RCBTB1: variants seen among roughly 807,000 people sequenced by gnomAD.
The protein encoded by RCBTB1 is RCC1 and BTB domain-containing protein 1.
A neutral mutation model predicts 62.4 loss-of-function variants in RCBTB1; 46 were observed. The observed-to-expected ratio is 0.74, with a 90% CI of 0.58 to 0.94. The LOEUF (loss-of-function observed/expected upper bound fraction) is 0.94, where lower values mean the gene tolerates loss of function less well. RCBTB1 is among the 40% of genes least tolerant of loss of function. The pLI is 0.00. For missense variants in RCBTB1, 565 were observed against 654.9 expected (o/e 0.86, Z 1.50); for synonymous variants, 222 against 245.8 (o/e 0.90, Z 0.91).
chr13:49,566,064 A>C (rs1390288504), intron 4 of RCBTB1, among the ~76,000 whole-genome samples: 1 of 150,742 alleles, frequency 6.6e-6, no homozygotes, highest in Non-Finnish European at 1.5e-5. Context: ...TGAAGGCAGC[A>C]TGCTCGTTAA....
chr13:49,546,845 G>T (rs538270618), intron 9 of RCBTB1: 3 of 557,812 alleles, frequency 5.4e-6, no homozygotes, highest in Non-Finnish European at 6.8e-6. Flanking sequence ...ACCTCCTGCC[G>T]TGCAACCCAG....
At chr13:49,535,465 A>G (rs1959864783) in intron 12 of RCBTB1, among the ~76,000 whole-genome samples, 1 of 152,194 alleles carries the variant, frequency 6.6e-6, no homozygotes, top group Non-Finnish European at 1.5e-5. Flanking sequence ...GTTAGCTGGT[A>G]CATTGAAGGT....
chr13:49,581,309 A>C (rs951091292), intron 1 of RCBTB1, among the ~76,000 whole-genome samples: 2 of 152,212 alleles, frequency 1.3e-5, no homozygotes, highest in African/African-American at 2.4e-5. Flanking sequence ...AAAATCAAGA[A>C]GATTCTGCAA....
At chr13:49,547,073 A>G in intron 9 of RCBTB1, 1 of 1,271,980 alleles carries the variant, frequency 7.9e-7, no homozygotes, top group African/African-American at 1.5e-5. Context: ...AAATCTGAAG[A>G]TGTGTACAGA....
Position 49,567,337 on chromosome 13 carries a change from G to T in RCBTB1, c.-41-17C>A. On this transcript the variant is annotated splice_polypyrimidine_tract_variant and intron_variant, in intron 2 of 12. Coordinates refer to ENST00000378302, the MANE Select transcript of RCBTB1 (RefSeq NM_018191.4). Reference sequence around the variant, plus strand: ...CCGACATCTCTGCTGGAACAGAAAGGATTCCAGAAAAAAATTAAATAGTCA... The same window carrying T: ...CCGACATCTCTGCTGGAACAGAAAGTATTCCAGAAAAAAATTAAATAGTCA... The T allele has an allele frequency of 6.4e-7, 1 of 1,564,560 alleles. No homozygotes were observed. Among genetic ancestry groups the T allele is most frequent in the Non-Finnish European group, 8.7e-7 (1 of 1,152,120 alleles).
intron 9 of RCBTB1, among the ~76,000 whole-genome samples, chr13:49,545,552 T>TAGAA (rs1960722285): frequency 6.6e-6 from 1 of 152,200 alleles, no homozygotes; most frequent in South Asian, 2.1e-4. Context: ...ATATGTTAAG[T>TAGAA]AGAACTGTGT....
Position 49,549,542 on chromosome 13 carries a change from G to A in RCBTB1, c.961C>T (p.Pro321Ser). 2 of 1,614,122 alleles carry A rather than the reference G, an allele frequency of 1.2e-6. No homozygotes were observed. Among genetic ancestry groups the A allele is most frequent in the South Asian group, 2.2e-5 (2 of 91,080 alleles). Residue 321 changes from proline (P) to serine (S), a missense_variant, in exon 9 of 13, where the codon CCG becomes TCG. Physicochemically the swap from Pro to Ser is moderately conservative, Grantham distance 74. Transcript: ENST00000378302. ...GTGCAGGAGAAGTGGGTGAGGTGCG[G>A]GAGGATCACGGACTGACCCCGGCAC... ...GQCRGQSVIL[P>S]HLTHFSCTDD...
chr13:49,567,371 A>G, intron 2 of RCBTB1, 51 bp from the exon 3 acceptor site: 1 of 1,411,824 alleles, frequency 7.1e-7, no homozygotes, highest in Non-Finnish European at 9.7e-7. Flanking sequence ...CACTGAGCTA[A>G]CTTTCAAAAA....
chr13:49,564,239 T>C (rs1233130866), intron 4 of RCBTB1, among the ~76,000 whole-genome samples: 1 of 152,134 alleles, frequency 6.6e-6, no homozygotes, highest in Non-Finnish European at 1.5e-5. Context: ...GATTTCCCGA[T>C]TCAAGATGCA....
rs1961329745 is a variant in RCBTB1 at position 49,551,432 on chromosome 13, C to G, written c.748G>C (p.Asp250His). The change falls in exon 8 of 13, where the codon GAT (aspartate) becomes CAT (histidine). Residue 250 changes from aspartate (D) to histidine (H), a missense_variant. Asp to His is a moderately conservative substitution (Grantham distance 81). Transcript: ENST00000378302. ...CCCCAGGCATACAGCAAGCCCTCATCTGTTAGTGCTAGAGTATGTGCGTAA... is the reference window on the plus strand; with the variant it reads ...CCCCAGGCATACAGCAAGCCCTCATGTGTTAGTGCTAGAGTATGTGCGTAA... ...CGYAHTLALTDEGLLYAWGAN... is the reference protein window; with the variant it reads ...CGYAHTLALTHEGLLYAWGAN... The G allele has an allele frequency of 6.2e-7, 1 of 1,614,226 alleles. No individual in the cohort carries two copies. The highest frequency in any genetic ancestry group is 8.5e-7 in the Non-Finnish European group (1 of 1,180,032).
intron 2 of RCBTB1, among the ~76,000 whole-genome samples, chr13:49,568,416 G>A (rs1252142703): frequency 3.3e-5 from 5 of 152,146 alleles, no homozygotes; most frequent in Non-Finnish European, 4.4e-5. Context: ...TCCTAAAAAT[G>A]AAAATTGCTA....
intron 9 of RCBTB1, among the ~76,000 whole-genome samples, chr13:49,545,456 A>C (rs923673580): frequency 6.6e-6 from 1 of 152,176 alleles, no homozygotes; most frequent in African/African-American, 2.4e-5. Context: ...GAGCAAATTC[A>C]CTTAGAAACA....
At chr13:49,557,208 G>A (rs1278263348) in intron 5 of RCBTB1, among the ~76,000 whole-genome samples, 1 of 152,202 alleles carries the variant, frequency 6.6e-6, no homozygotes, top group African/African-American at 2.4e-5. Context: ...AGAAACCAGA[G>A]AGGACAGCAA....
intron 10 of RCBTB1, among the ~76,000 whole-genome samples, chr13:49,542,565 T>C (rs531042079): frequency 6.6e-6 from 1 of 152,290 alleles, no homozygotes; most frequent in South Asian, 2.1e-4. Context: ...ATTAAAATGA[T>C]TCATTTGTTT....
At chr13:49,546,845 G>A (rs538270618) in intron 9 of RCBTB1, 71 of 557,934 alleles carry the variant, frequency 1.3e-4, no homozygotes, top group African/African-American at 6.7e-4. Flanking sequence ...ACCTCCTGCC[G>A]TGCAACCCAG....
At chr13:49,557,324 G>T (rs1962007194) in intron 5 of RCBTB1, among the ~76,000 whole-genome samples, 1 of 152,076 alleles carries the variant, frequency 6.6e-6, no homozygotes, top group Non-Finnish European at 1.5e-5. Context: ...AATGGAAATG[G>T]AGAGGAACAA....
At chr13:49,581,215 G>C (rs1031154705) in intron 1 of RCBTB1, among the ~76,000 whole-genome samples, 1 of 151,998 alleles carries the variant, frequency 6.6e-6, no homozygotes, top group African/African-American at 2.4e-5. Flanking sequence ...GGAGTGCTTA[G>C]AGGAAGTCCA....
At chr13:49,546,228 G>C in intron 9 of RCBTB1, 1 of 985,388 alleles carries the variant, frequency 1.0e-6, no homozygotes, top group Non-Finnish European at 1.2e-6. Context: ...TTTGCTCCTG[G>C]CAACAAGTAT....
Position 49,551,367 on chromosome 13 carries a change from A to G in RCBTB1, c.813T>C (p.Asn271=). ...TYGQLGTGNK[N]NLLSPAHIMV... ...TGATGTGTGCTGGGCTTAGCAGGTTATTTTTATTGCCAGTTCCCAGCTGCC... is the reference window on the plus strand; with the variant it reads ...TGATGTGTGCTGGGCTTAGCAGGTTGTTTTTATTGCCAGTTCCCAGCTGCC... The change falls in exon 8 of 13, where the codon AAT becomes AAC. Residue 271 remains asparagine, a synonymous_variant. Transcript: ENST00000378302. The G allele has an allele frequency of 6.2e-7, 1 of 1,614,174 alleles. No homozygotes were observed. The highest frequency in any genetic ancestry group is 2.2e-5 in the East Asian group (1 of 44,878).
Sources: allele counts gnomAD v4.1 joint callset (sites outside exome capture counted in the v4.1 genomes callset), GRCh38; gene constraint gnomAD v4.1.1; transcripts MANE v1.5; gene names NCBI Gene and HGNC (gene_info 2026-07-23, HGNC 2026-07-21).